Variants in XG observed in about 807,000 individuals in gnomAD.
XG encodes the protein Xg glycoprotein (Xg blood group).
XG carries 24 observed loss-of-function variants against 25.7 expected under a neutral mutation model. That is an observed-to-expected ratio of 0.93 (90% confidence interval 0.68 to 1.31). The LOEUF (loss-of-function observed/expected upper bound fraction) is 1.31. Ranked by LOEUF, XG falls within the 40% of genes most tolerant of loss-of-function variation. The pLI, the probability that XG is intolerant of heterozygous loss-of-function variation, is 0.00. For missense variants in XG, 181 were observed against 187.6 expected (o/e 0.96, Z 0.21); for synonymous variants, 77 against 69.2 (o/e 1.11, Z -0.56).
At chrX:2,770,465 G>A in intron 1 of XG, 85 bp from the exon 2 acceptor site, 1 of 1,527,246 alleles carries the variant, frequency 6.5e-7, no homozygotes, top group Non-Finnish European at 9.1e-7. Flanking sequence ...GCTTGCAGGA[G>A]GAGGGGAGCA....
chrX:2,780,019 TTATAC>T (rs983692785), intron 3 of XG, among the ~76,000 whole-genome samples: 358 of 152,296 alleles, frequency 2.4e-3, no homozygotes, highest in African/African-American at 8.1e-3. Flanking sequence ...CAAATAGTTG[TTATAC>T]TATATTATTT....
intron 9 of XG, among the ~76,000 whole-genome samples, chrX:2,809,769 A>G (rs1236293931): frequency 1.8e-5 from 2 of 111,509 alleles, no homozygotes; most frequent in East Asian, 5.6e-4. Context: ...CTTCTTATGT[A>G]TCTGGGACTT....
At chrX:2,775,151 G>A (rs1279921939) in intron 3 of XG, among the ~76,000 whole-genome samples, 5 of 152,062 alleles carry the variant, frequency 3.3e-5, no homozygotes, top group South Asian at 2.1e-4. Flanking sequence ...TTGAAAACAC[G>A]GGTTCCAAGA....
chrX:2,795,698 G>A (rs186005677), intron 6 of XG, among the ~76,000 whole-genome samples: 120 of 109,394 alleles, frequency 1.1e-3, no homozygotes, highest in Admixed American at 7.9e-4. Context: ...TCGCTCTGTC[G>A]CCCAGGCTGG....
At chrX:2,803,265 C>T (rs2086961644) in intron 7 of XG, among the ~76,000 whole-genome samples, 1 of 110,932 alleles carries the variant, frequency 9.0e-6, no homozygotes. Context: ...GATCCTCCCA[C>T]CTCAGCCTCC....
intron 1 of XG, among the ~76,000 whole-genome samples, chrX:2,760,562 C>T (rs909519701): frequency 6.5e-4 from 95 of 145,438 alleles, no homozygotes; most frequent in Admixed American, 1.1e-3. Context: ...GGTGAAACCC[C>T]ATCTCTACTA....
intron 5 of XG, among the ~76,000 whole-genome samples, chrX:2,791,396 T>C (rs2086836620): frequency 1.8e-5 from 2 of 111,441 alleles, no homozygotes; most frequent in African/African-American, 3.3e-5. Flanking sequence ...AGGCACTCCG[T>C]GAAATCCAAG....
At chrX:2,782,022 G>A (rs2086733565) in intron 3 of XG, 44 bp from the exon 4 acceptor site, 1 of 1,177,750 alleles carries the variant, frequency 8.5e-7, no homozygotes. Flanking sequence ...CCTAAGGGAA[G>A]GACAATTTTC....
intron 3 of XG, among the ~76,000 whole-genome samples, chrX:2,776,720 C>T (rs1307268156): frequency 3.9e-5 from 6 of 152,054 alleles, no homozygotes; most frequent in East Asian, 1.9e-4. Flanking sequence ...TGGTGGCGGG[C>T]GCCTGTAGTC....
chrX:2,779,795 C>T (rs1414541406), intron 3 of XG, among the ~76,000 whole-genome samples: 1 of 151,918 alleles, frequency 6.6e-6, no homozygotes, highest in Non-Finnish European at 1.5e-5. Context: ...TACAGGTATG[C>T]GCCACCACCC....
At chrX:2,796,312 CAT>C (rs2147078548) in intron 6 of XG, among the ~76,000 whole-genome samples, 1 of 108,016 alleles carries the variant, frequency 9.3e-6, no homozygotes. Flanking sequence ...TGTATAAACA[CAT>C]ATTTGTAAAT....
chrX:2,758,435 G>A (rs1160189584), intron 1 of XG, among the ~76,000 whole-genome samples: 1 of 152,214 alleles, frequency 6.6e-6, no homozygotes, highest in African/African-American at 2.4e-5. Flanking sequence ...TCTTTTAAGA[G>A]ATGATGACTC....
chrX:2,755,776 A>G (rs2050421437), intron 1 of XG, among the ~76,000 whole-genome samples: 1 of 152,086 alleles, frequency 6.6e-6, no homozygotes, highest in Admixed American at 6.5e-5. Context: ...AAAATTAGTT[A>G]AATGCACAGA....
chrX:2,775,969 AAAAGAAAAG>A lies in XG; in HGVS notation c.127+1234_127+1242del, dbSNP rs2050975437. Among the ~76,000 whole-genome samples the A allele has an allele frequency of 8.4e-4, 8 of 9,578 alleles. No homozygotes were observed. In the South Asian group the frequency reaches 0.028, roughly 33 times the overall value. The allele number at this position is 9,578 out of a possible 152,430, so 6.3% of individuals were successfully genotyped here. On this transcript the variant is annotated intron_variant, in intron 3 of 10. Transcript: ENST00000644266. Reference sequence around the variant, plus strand: ...AGATTCCGTCTCAAAAAAAAAAAAAAAAAGAAAAGAAAAGAAAAGAAAAAGAAATAATTC... The same window carrying A: ...AGATTCCGTCTCAAAAAAAAAAAAAAAAAAGAAAAGAAAAAGAAATAATTC...
At chrX:2,777,879 T>C (rs1454823949) in intron 3 of XG, among the ~76,000 whole-genome samples, 1 of 151,778 alleles carries the variant, frequency 6.6e-6, no homozygotes, top group Non-Finnish European at 1.5e-5. Flanking sequence ...GCTAACACGG[T>C]GAAACCCCAT....
chrX:2,770,542 C>T lies in XG; in HGVS notation c.62-8C>T. Reference sequence around the variant, plus strand: ...TGGGGTGACTTATGCCCTGTTTGCTCCCAATAGGTCAAAGAGACTTTGATT... The same window carrying T: ...TGGGGTGACTTATGCCCTGTTTGCTTCCAATAGGTCAAAGAGACTTTGATT... On this transcript the variant is annotated splice_polypyrimidine_tract_variant and splice_region_variant and intron_variant, in intron 1 of 10. Coordinates refer to ENST00000644266, the MANE Select transcript of XG (RefSeq NM_001141919.2). 1 of 1,613,878 alleles carries T rather than the reference C, an allele frequency of 6.2e-7. No homozygotes were observed. The highest frequency in any genetic ancestry group is 8.5e-7 in the Non-Finnish European group (1 of 1,179,842).
chrX:2,782,580 A>G (rs1323107543), intron 4 of XG, among the ~76,000 whole-genome samples: 2 of 111,065 alleles, frequency 1.8e-5, no homozygotes, highest in East Asian at 2.8e-4. Flanking sequence ...TCAGGTTGGA[A>G]AGGGAACCAT....
chrX:2,769,827 T>C lies in XG; in HGVS notation c.62-723T>C, dbSNP rs762244662. On this transcript the variant is annotated intron_variant, in intron 1 of 10. Transcript: ENST00000644266. The stretch of plus-strand genomic sequence containing the variant: ...TGCTTCCTGACCCTGTATTTGTCAG[T>C]GTAGGCTAGCTGCTATAACAAACAG... 2.8e-4 allele frequency among the ~76,000 whole-genome samples: 43 copies of C among 152,224 alleles called. No homozygotes were observed. In the South Asian group the frequency reaches 8.7e-3, roughly 31 times the overall value.
At chrX:2,797,070 G>T (rs1399158753) in intron 6 of XG, among the ~76,000 whole-genome samples, 1 of 111,365 alleles carries the variant, frequency 9.0e-6, no homozygotes, top group Non-Finnish European at 1.9e-5. Flanking sequence ...GTCCCGTGAC[G>T]GCAAAGTGTT....
Sources: allele counts gnomAD v4.1 joint callset (sites outside exome capture counted in the v4.1 genomes callset), GRCh38; gene constraint gnomAD v4.1.1; transcripts MANE v1.5; gene names NCBI Gene and HGNC (gene_info 2026-07-23, HGNC 2026-07-21).